The following PDGFD variants were observed in gnomAD, a reference collection of about 807,000 sequenced individuals.
The protein encoded by PDGFD is platelet-derived growth factor D.
A neutral mutation model predicts 44.7 loss-of-function variants in PDGFD; 30 were observed. The observed-to-expected ratio is 0.67, with a 90% CI of 0.50 to 0.91. The LOEUF (loss-of-function observed/expected upper bound fraction) is 0.91. Among genes scored for constraint, PDGFD ranks in the 40% least tolerant of loss-of-function variants. The pLI, the probability that PDGFD is intolerant of heterozygous loss-of-function variation, is 0.00. For missense variants in PDGFD, 445 were observed against 457.8 expected (o/e 0.97, Z 0.25); for synonymous variants, 173 against 168.4 (o/e 1.03, Z -0.21).
chr11:104,022,705 GTA>G (rs1859979663), intron 1 of PDGFD, among the ~76,000 whole-genome samples: 1 of 150,710 alleles, frequency 6.6e-6, no homozygotes, highest in Admixed American at 6.7e-5. Flanking sequence ...TATTATATAT[GTA>G]TATCTCAATA....
intron 4 of PDGFD, 74 bp downstream of exon 4, chr11:103,947,588 T>TGAA (rs1465689962): frequency 8.8e-7 from 1 of 1,136,684 alleles, no homozygotes; most frequent in East Asian, 2.3e-5. Context: ...TTAATGCAGG[T>TGAA]GAAGTCCTTT....
Position 103,909,471 on chromosome 11 carries a change from C to A in PDGFD, c.*223G>T. The stretch of plus-strand genomic sequence containing the variant: ...GTTTGTGCATATATAACCTCAAACA[C>A]TATTATTAAATGCAATCCTATATTC... On this transcript the variant is annotated 3_prime_UTR_variant, in exon 7 of 7. Coordinates refer to ENST00000393158, the MANE Select transcript of PDGFD (RefSeq NM_025208.5). 1 of 516,708 alleles carries A rather than the reference C, an allele frequency of 1.9e-6. No homozygotes were observed. The highest frequency in any genetic ancestry group is 3.5e-6 in the Non-Finnish European group (1 of 286,996). 32.0% of individuals were successfully genotyped at this position (516,708 alleles called of 1,614,324 possible). A position where few individuals can be genotyped will look rare whatever the true frequency, so the allele number is the denominator to read the frequency against.
chr11:103,928,606 G>A (rs1408415870), intron 5 of PDGFD, among the ~76,000 whole-genome samples: 1 of 152,120 alleles, frequency 6.6e-6, no homozygotes, highest in East Asian at 1.9e-4. Context: ...GATTCTCAAG[G>A]GCAGGGATTT....
chr11:104,022,671 G>A (rs1490076895), intron 1 of PDGFD, among the ~76,000 whole-genome samples: 4 of 151,698 alleles, frequency 2.6e-5, no homozygotes, highest in Admixed American at 2.6e-4. Context: ...ATATATATTT[G>A]AACCTTAACA....
rs1217825071 is a variant in PDGFD, at chr11:104,012,365, C to T, written c.125-12110G>A. Among the ~76,000 whole-genome samples the T allele has an allele frequency of 2.0e-5, 3 of 152,186 alleles. No individual in the cohort carries two copies. In the South Asian group the frequency reaches 6.2e-4, roughly 32 times the overall value. The stretch of plus-strand genomic sequence containing the variant: ...CTTCTGTGATTCAATGTAAAAAAGG[C>T]TTGGATTTGGACTTTGAGATAATAA... On this transcript the variant is annotated intron_variant, in intron 1 of 6. Coordinates refer to ENST00000393158, the MANE Select transcript of PDGFD (RefSeq NM_025208.5).
chr11:103,993,611 C>A (rs1006942632), intron 3 of PDGFD, among the ~76,000 whole-genome samples: 1 of 152,078 alleles, frequency 6.6e-6, no homozygotes, highest in Non-Finnish European at 1.5e-5. Context: ...TTTAAAGCCT[C>A]TCCAAGTAAA....
rs28713458 is a variant in PDGFD, at chr11:103,984,919, T to C, written c.510+11146A>G. On this transcript the variant is annotated intron_variant, in intron 3 of 6. Transcript: ENST00000393158. ...ATAATATATTAATTTATTTAATATATTTATATTTATTTAATATATAACATA... is the reference window on the plus strand; with the variant it reads ...ATAATATATTAATTTATTTAATATACTTATATTTATTTAATATATAACATA... Among the ~76,000 whole-genome samples the C allele has an allele frequency of 2.3e-5, 3 of 129,132 alleles. No individual in the cohort carries two copies. The Admixed American group carries it at 2.4e-4, about 10-fold the overall frequency. 84.7% of individuals were successfully genotyped at this position (129,132 alleles called of 152,430 possible). A position where few individuals can be genotyped will look rare whatever the true frequency, so the allele number is the denominator to read the frequency against.
intron 1 of PDGFD, among the ~76,000 whole-genome samples, chr11:104,023,032 C>T (rs1859987044): frequency 6.6e-6 from 1 of 152,002 alleles, no homozygotes; most frequent in Non-Finnish European, 1.5e-5. Context: ...ATTTAGTAAC[C>T]ATAGCCAAAC....
At chr11:104,002,501 G>A (rs1944199098) in intron 1 of PDGFD, among the ~76,000 whole-genome samples, 1 of 152,144 alleles carries the variant, frequency 6.6e-6, no homozygotes, top group Non-Finnish European at 1.5e-5. Context: ...AGTTTCCCAA[G>A]GGCTCCTATG....
intron 1 of PDGFD, among the ~76,000 whole-genome samples, chr11:104,089,926 T>C (rs1455197484): frequency 3.3e-5 from 5 of 152,082 alleles, no homozygotes; most frequent in Non-Finnish European, 7.4e-5. Flanking sequence ...ATAAAGAGAT[T>C]TGAGAGCCAG....
chr11:104,080,558 C>A (rs893741201), intron 1 of PDGFD, among the ~76,000 whole-genome samples: 3 of 152,254 alleles, frequency 2.0e-5, no homozygotes, highest in Admixed American at 6.5e-5. Context: ...AACATTTATT[C>A]CTTCCATATT....
chr11:104,013,145 A>T (rs1859807801), intron 1 of PDGFD, among the ~76,000 whole-genome samples: 1 of 152,182 alleles, frequency 6.6e-6, no homozygotes, highest in Non-Finnish European at 1.5e-5. Flanking sequence ...TGTGGAGAGG[A>T]GCTTGGCCTG....
chr11:103,929,220 G>T (rs1858363110), intron 5 of PDGFD, among the ~76,000 whole-genome samples: 1 of 152,152 alleles, frequency 6.6e-6, no homozygotes, highest in Non-Finnish European at 1.5e-5. Context: ...TGGAATTGAA[G>T]CCTTTCCCCC....
At chr11:103,916,222 G>A (rs547532889) in intron 6 of PDGFD, among the ~76,000 whole-genome samples, 129 of 151,940 alleles carry the variant, frequency 8.5e-4, no homozygotes, top group Non-Finnish European at 1.5e-3. Flanking sequence ...CAGAATCTAC[G>A]AAGAACTTAA....
chr11:103,926,280 A>G (rs1194693294), intron 6 of PDGFD, among the ~76,000 whole-genome samples: 1 of 152,212 alleles, frequency 6.6e-6, no homozygotes, highest in Non-Finnish European at 1.5e-5. Context: ...TTTGTCAAGC[A>G]ATAAATGCCA....
intron 3 of PDGFD, among the ~76,000 whole-genome samples, chr11:103,974,552 T>C (rs1209212000): frequency 1.3e-5 from 2 of 152,126 alleles, no homozygotes; most frequent in Non-Finnish European, 2.9e-5. Flanking sequence ...TGGTGGTTTG[T>C]TGCACCCATC....
intron 6 of PDGFD, among the ~76,000 whole-genome samples, chr11:103,910,261 C>T (rs879902995): frequency 6.6e-6 from 1 of 152,158 alleles, no homozygotes; most frequent in Non-Finnish European, 1.5e-5. Flanking sequence ...GCTGGTATAT[C>T]TAAATCTTTG....
intron 2 of PDGFD, among the ~76,000 whole-genome samples, chr11:103,997,918 C>G (rs1021345591): frequency 4.6e-5 from 7 of 151,894 alleles, no homozygotes; most frequent in Non-Finnish European, 8.8e-5. Context: ...TTTCTACCTG[C>G]TATACTTCTA....
At chr11:103,985,889 G>A (rs1859355664) in intron 3 of PDGFD, among the ~76,000 whole-genome samples, 1 of 152,118 alleles carries the variant, frequency 6.6e-6, no homozygotes, top group Non-Finnish European at 1.5e-5. Flanking sequence ...AGACCAATCA[G>A]GAAGTGATTA....
Sources: allele counts gnomAD v4.1 joint callset (sites outside exome capture counted in the v4.1 genomes callset), GRCh38; gene constraint gnomAD v4.1.1; transcripts MANE v1.5; gene names NCBI Gene and HGNC (gene_info 2026-07-23, HGNC 2026-07-21).